The following HR variants were observed in gnomAD, a reference collection of about 807,000 sequenced individuals.
The protein encoded by HR is lysine-specific demethylase hairless.
HR carries 83 observed loss-of-function variants against 128.6 expected under a neutral mutation model. The ratio of observed to expected loss-of-function variants is 0.65; its 90% confidence interval spans 0.54 to 0.77. The LOEUF is 0.77. HR is among the 30% of genes least tolerant of loss of function. The pLI, the probability that HR is intolerant of heterozygous loss-of-function variation, is 0.00. For missense variants in HR, 1,490 were observed against 1,574.6 expected, an observed-to-expected ratio of 0.95 and a Z score of 0.91; for synonymous variants, 681 against 658.2, an observed-to-expected ratio of 1.03 and a Z score of -0.53.
chr8:22,115,703 T>C lies in HR; in HGVS notation c.3567A>G (p.Lys1189=). The C allele has an allele frequency of 6.2e-7, 1 of 1,613,780 alleles. No individual in the cohort carries two copies. Among genetic ancestry groups the C allele is most frequent in the Non-Finnish European group, 8.5e-7 (1 of 1,179,830 alleles). The change falls in exon 19 of 19, where the codon AAA becomes AAG. Residue 1189 remains lysine (K), a synonymous_variant. Coordinates refer to ENST00000381418, the MANE Select transcript of HR (RefSeq NM_005144.5). ...ATCCCAGACACCTAGCATCCCTCTA[T>C]TTGGCCTCCTGTAATGTCCCCACGG... ...KVAVGTLQEA[K]
intron 2 of HR, chr8:22,128,214 C>T (rs1826952227): frequency 3.9e-6 from 2 of 515,972 alleles, no homozygotes. Context: ...ATGGGGTCCC[C>T]TGCACATCCC....
chr8:22,130,101 G>A (rs189683620), intron 1 of HR, among the ~76,000 whole-genome samples: 1 of 152,364 alleles, frequency 6.6e-6, no homozygotes, highest in East Asian at 1.9e-4. Context: ...CCCAGAGAGA[G>A]GCAAGGGAGG....
At position 22,121,644 on chromosome 8, in the gene HR, G is replaced by A. The variant is rs376485230; in HGVS notation, c.2172C>T (p.Gly724=). The A allele has an allele frequency of 4.9e-5, 79 of 1,613,998 alleles. 2 individuals carry two copies. Among genetic ancestry groups the A allele is most frequent in the East Asian group, 4.5e-5 (2 of 44,888 alleles). Residue 724 remains glycine (G), a synonymous_variant, in exon 9 of 19, where the codon GGC becomes GGT. Transcript: ENST00000381418. ...TGATGCTCTTGGTCCTGTGGGTGTC[G>A]CCATTGCAGGAAGGTTGTGGAGTTG... is the stretch of plus-strand genomic sequence containing the variant. ...TPPTPQPSCN[G]DTHRTKSIKE... is the part of the protein sequence containing the mutation.
rs1265767596 is a variant in HR, at chr8:22,116,231, G to A, written c.3507+69C>T. The A allele has an allele frequency of 6.2e-7, 1 of 1,607,364 alleles. No homozygotes were observed. Among genetic ancestry groups the A allele is most frequent in the Non-Finnish European group, 8.5e-7 (1 of 1,176,608 alleles). ...CAGGGTGGGATCTGCTATGTCCACTGCAGCTGTGGCACAGGGAGGTGGGAG... is the reference window on the plus strand; with the variant it reads ...CAGGGTGGGATCTGCTATGTCCACTACAGCTGTGGCACAGGGAGGTGGGAG... On this transcript the variant is annotated intron_variant, in intron 18 of 18. Coordinates refer to ENST00000381418, the MANE Select transcript of HR (RefSeq NM_005144.5). The surrounding 1 kb of genome is among the most constrained non-coding windows in gnomAD (Gnocchi z 4.2).
chr8:22,118,530 A>C (rs926270919), intron 16 of HR: 2 of 236,474 alleles, frequency 8.5e-6, no homozygotes, highest in Non-Finnish European at 1.7e-5. Flanking sequence ...AGCATAGAGT[A>C]GTGACCTGGG....
chr8:22,121,801 A>T, intron 8 of HR, 107 bp from the exon 9 acceptor site: 1 of 1,191,186 alleles, frequency 8.4e-7, no homozygotes, highest in Non-Finnish European at 1.2e-6. Flanking sequence ...GTCAGTCCTA[A>T]AATCGTGTTT....
intron 5 of HR, among the ~76,000 whole-genome samples, chr8:22,124,594 C>T (rs1407614711): frequency 6.6e-6 from 1 of 152,164 alleles, no homozygotes; most frequent in Non-Finnish European, 1.5e-5. Context: ...ACTGTGGCAC[C>T]ACGAGGCGGG....
chr8:22,124,276 C>T (rs185745089), intron 5 of HR, among the ~76,000 whole-genome samples: 1 of 152,218 alleles, frequency 6.6e-6, no homozygotes, highest in South Asian at 2.1e-4. Context: ...GTCATCTAGG[C>T]TGGAGTACAG....
chr8:22,123,303 G>GGA (rs1461795450), intron 6 of HR, among the ~76,000 whole-genome samples: 17 of 152,194 alleles, frequency 1.1e-4, no homozygotes, highest in African/African-American at 4.1e-4. Context: ...GTGTGACCTT[G>GGA]GACGAGTCGC....
intron 2 of HR, 127 bp from the exon 3 acceptor site, chr8:22,127,956 G>A (rs1008966207): frequency 8.3e-6 from 8 of 963,214 alleles, no homozygotes; most frequent in African/African-American, 8.0e-5. Context: ...TTAATAAACA[G>A]CACTGCCCTA....
intron 6 of HR, 32 bp downstream of exon 6, chr8:22,123,617 T>TCCACCCCCCC: frequency 3.4e-6 from 1 of 292,092 alleles, no homozygotes; most frequent in Non-Finnish European, 6.2e-6. Flanking sequence ...GAGGGCTCCA[T>TCCACCCCCCC]CCCGCCCTCC....
chr8:22,123,015 G>T, intron 6 of HR, 136 bp from the exon 7 acceptor site: 1 of 795,656 alleles, frequency 1.3e-6, no homozygotes, highest in Non-Finnish European at 2.1e-6. Flanking sequence ...GGGAAACCTG[G>T]GTCACATAGA....
chr8:22,120,833 G>A lies in HR; in HGVS notation c.2493C>T (p.Pro831=), dbSNP rs1440006443. Residue 831 remains proline, a synonymous_variant, in exon 11 of 19, where the codon CCC becomes CCT. Coordinates refer to ENST00000381418, the MANE Select transcript of HR (RefSeq NM_005144.5). ...GCAGCCGGGGCCGCACTGGAGAGAG[G>A]GGCAGGCCCAGGCCCTTGCGCAGAC... The part of the protein sequence containing the change: ...GPGLRKGLGL[P]LSPVRPRLPP... 1.3e-6 allele frequency: 2 copies of A among 1,551,748 alleles called. No homozygotes were observed. The highest frequency in any genetic ancestry group is 1.7e-6 in the Non-Finnish European group (2 of 1,147,660).
At position 22,128,999 on chromosome 8, in the gene HR, C is replaced by G. The variant is rs1050566462; in HGVS notation, c.172G>C (p.Asp58His). The change falls in exon 2 of 19, where the codon GAC becomes CAC. Residue 58 changes from aspartate to histidine, a missense_variant. Physicochemically the swap from Asp to His is moderately conservative, Grantham distance 81. Around this residue, in one of 3 missense-constraint regions of HR, gnomAD observed 1,060 missense variants for 1,060.9 expected, o/e 1.00. Coordinates refer to ENST00000381418, the MANE Select transcript of HR (RefSeq NM_005144.5). ...GGGAAGCCAGGGGGAAGCCAGGAGT[C>G]TGGGGTGCTCAGGACGCCCCTCCAA... The part of the protein sequence containing the change: ...PFWRGVLSTP[D>H]SWLPPGFPQG... The G allele has an allele frequency of 1.9e-6, 3 of 1,612,736 alleles. No homozygotes were observed. The highest frequency in any genetic ancestry group is 3.3e-5 in the Admixed American group (2 of 59,974).
chr8:22,126,275 C>G (rs1826888564), intron 3 of HR, among the ~76,000 whole-genome samples: 1 of 152,158 alleles, frequency 6.6e-6, no homozygotes. Context: ...GGCATTTGGG[C>G]AAGGCCACGG....
At chr8:22,127,864 C>G in intron 2 of HR, 35 bp from the exon 3 acceptor site, 1 of 1,591,176 alleles carries the variant, frequency 6.3e-7, no homozygotes, top group Non-Finnish European at 8.5e-7. Flanking sequence ...CTTCAGCTGA[C>G]TTGGGCTCCC....
chr8:22,117,048 AGAG>A lies in HR; in HGVS notation c.3214-12_3214-10del. On this transcript the variant is annotated splice_polypyrimidine_tract_variant and intron_variant, in intron 16 of 18. Transcript: ENST00000381418. ...GCCCCGGCCGGGCACACCTCAAAGA[AGAG>A]AAGGGGGAATGAGCGAGATGGGGAG... is the stretch of plus-strand genomic sequence containing the variant. The A allele has an allele frequency of 6.7e-7, 1 of 1,485,158 alleles. No homozygotes were observed. The highest frequency in any genetic ancestry group is 2.4e-5 in the Admixed American group (1 of 42,000). 92.0% of individuals were successfully genotyped at this position (1,485,158 alleles called of 1,614,324 possible).
chr8:22,130,270 CCGTGGTCTGGCCGCGT>C (rs984081476), intron 1 of HR, among the ~76,000 whole-genome samples, 142 bp downstream of exon 1: 10 of 152,334 alleles, frequency 6.6e-5, no homozygotes, highest in Non-Finnish European at 1.2e-4. Context: ...CACCGCTCCG[CCGTGGTCTGGCCGCGT>C]CGGGCTTCCT....
At chr8:22,124,628 G>A (rs1343585733) in intron 5 of HR, among the ~76,000 whole-genome samples, 3 of 152,238 alleles carry the variant, frequency 2.0e-5, no homozygotes, top group Non-Finnish European at 4.4e-5. Context: ...AAATGCCAGG[G>A]AAGGGTGAGG....
Sources: allele counts gnomAD v4.1 joint callset (sites outside exome capture counted in the v4.1 genomes callset), GRCh38; gene constraint gnomAD v4.1.1; regional missense constraint gnomAD v4.1.1; non-coding constraint Gnocchi (gnomAD v3.1); transcripts MANE v1.5; gene names NCBI Gene and HGNC (gene_info 2026-07-23, HGNC 2026-07-21).